ZNF148: variants seen among roughly 807,000 people sequenced by gnomAD.
The protein encoded by ZNF148 is zinc finger protein 148.
ZNF148 carries 7 observed loss-of-function variants against 67.7 expected under a neutral mutation model. The ratio of observed to expected loss-of-function variants is 0.10; its 90% CI spans 0.06 to 0.19. The LOEUF is 0.19. ZNF148 is among the 10% of genes least tolerant of loss of function. The pLI is 1.00. For missense variants in ZNF148, 583 were observed against 947.1 expected, an observed-to-expected ratio of 0.62 and a Z score of 5.05; for synonymous variants, 333 against 330.7, an observed-to-expected ratio of 1.01 and a Z score of -0.08.
intron 5 of ZNF148, among the ~76,000 whole-genome samples, chr3:125,282,023 G>A (rs1938417339): frequency 6.6e-6 from 1 of 152,144 alleles, no homozygotes; most frequent in Non-Finnish European, 1.5e-5. Context: ...GGACCTGGCT[G>A]CCTGCTGTCC....
chr3:125,304,308 A>G (rs1318171904), intron 4 of ZNF148, among the ~76,000 whole-genome samples: 1 of 152,156 alleles, frequency 6.6e-6, no homozygotes, highest in African/African-American at 2.4e-5. Context: ...GATTGTGGGA[A>G]AAGGGCAGCC....
At chr3:125,353,914 GAAACTAAAA>G (rs1459060944) in intron 1 of ZNF148, among the ~76,000 whole-genome samples, 2 of 151,958 alleles carry the variant, frequency 1.3e-5, no homozygotes, top group Admixed American at 6.6e-5. Context: ...TCTCTATATA[GAAACTAAAA>G]AAAGAGAGAG....
In ZNF148 at chr3:125,260,099, G is replaced by T. The variant is rs553457567; in HGVS notation, c.667+17627C>A. 2.0e-5 allele frequency among the ~76,000 whole-genome samples: 3 copies of T among 152,162 alleles called. No homozygotes were observed. The East Asian group carries it at 5.8e-4, about 29-fold the overall frequency. ...TCGATTAAGTTCACTCTCTTATGTG[G>T]GTGCAGTTTGTGGTGCCCCAAAACA... On this transcript the variant is annotated intron_variant, in intron 7 of 8. Transcript: ENST00000360647.
intron 1 of ZNF148, among the ~76,000 whole-genome samples, chr3:125,343,375 T>C (rs1311925191): frequency 6.6e-6 from 1 of 152,150 alleles, no homozygotes; most frequent in Non-Finnish European, 1.5e-5. Flanking sequence ...GACTAGGGAC[T>C]TGGAGAACTT....
intron 4 of ZNF148, among the ~76,000 whole-genome samples, chr3:125,302,101 T>C (rs1939621636): frequency 6.7e-6 from 1 of 148,398 alleles, no homozygotes; most frequent in South Asian, 2.2e-4. Flanking sequence ...TCATGGCCAG[T>C]TGTGGTGGCT....
intron 7 of ZNF148, among the ~76,000 whole-genome samples, chr3:125,241,247 C>T (rs76285225): frequency 0.017 from 2,587 of 151,452 alleles, 68 homozygotes; most frequent in African/African-American, 0.06. Context: ...TCTTTGGCCC[C>T]GACAAAGGTA....
At chr3:125,236,932 G>A (rs184354352) in intron 7 of ZNF148, among the ~76,000 whole-genome samples, 3 of 152,286 alleles carry the variant, frequency 2.0e-5, no homozygotes, top group East Asian at 3.9e-4. Flanking sequence ...ATTGAAGGCC[G>A]AAAAGTTAAG....
At chr3:125,354,686 T>C (rs1407730420) in intron 1 of ZNF148, among the ~76,000 whole-genome samples, 2 of 152,234 alleles carry the variant, frequency 1.3e-5, no homozygotes, top group African/African-American at 4.8e-5. Flanking sequence ...GTAATTCTGG[T>C]TGAGTTTGCA....
At chr3:125,278,329 G>A (rs556853871) in intron 6 of ZNF148, among the ~76,000 whole-genome samples, 5 of 152,000 alleles carry the variant, frequency 3.3e-5, no homozygotes, top group Admixed American at 2.0e-4. Flanking sequence ...AGTATTCTCT[G>A]GCCTGCTCTA....
chr3:125,253,185 T>G (rs1936919916), intron 7 of ZNF148, among the ~76,000 whole-genome samples: 1 of 152,230 alleles, frequency 6.6e-6, no homozygotes. Flanking sequence ...CTCTTTATAA[T>G]GTTAATTTAG....
intron 7 of ZNF148, among the ~76,000 whole-genome samples, chr3:125,244,734 G>A: frequency 6.6e-6 from 1 of 152,110 alleles, no homozygotes. Context: ...CTGACCTCAA[G>A]TGATCTACCC....
intron 7 of ZNF148, among the ~76,000 whole-genome samples, chr3:125,256,051 C>T (rs1342663006): frequency 6.6e-6 from 1 of 151,918 alleles, no homozygotes; most frequent in Non-Finnish European, 1.5e-5. Context: ...TATAAATATG[C>T]CCAGCTTTCC....
chr3:125,284,723 T>C (rs1938567070), intron 5 of ZNF148, among the ~76,000 whole-genome samples: 1 of 152,160 alleles, frequency 6.6e-6, no homozygotes, highest in African/African-American at 2.4e-5. Context: ...GGTGTAAGCT[T>C]CTATTATGTA....
rs1245665096 is a variant in ZNF148 at position 125,323,308 on chromosome 3, C to A, written c.-17+1G>T. 3.2e-6 allele frequency: 2 copies of A among 618,002 alleles called. No homozygotes were observed. Among genetic ancestry groups the A allele is most frequent in the Non-Finnish European group, 5.7e-6 (2 of 349,826 alleles). 38.3% of individuals were successfully genotyped at this position (618,002 alleles called of 1,614,324 possible). ...TTATGAAAAATAAGTATTAAAATTA[C>A]CCGAGACTAAGGTAAAAACGAAGAC... On this transcript the variant is annotated splice_donor_variant, in intron 3 of 8. Coordinates refer to ENST00000360647, the MANE Select transcript of ZNF148 (RefSeq NM_021964.3). LOFTEE classifies it low-confidence loss of function (5UTR_SPLICE).
At chr3:125,302,785 T>C (rs1374959227) in intron 4 of ZNF148, among the ~76,000 whole-genome samples, 2 of 152,250 alleles carry the variant, frequency 1.3e-5, no homozygotes, top group Non-Finnish European at 2.9e-5. Context: ...ATGTATGGCA[T>C]GCTTATCAAA....
At chr3:125,348,610 A>G (rs1235621948) in intron 1 of ZNF148, among the ~76,000 whole-genome samples, 1 of 152,186 alleles carries the variant, frequency 6.6e-6, no homozygotes, top group Non-Finnish European at 1.5e-5. Flanking sequence ...TTGAAGACAC[A>G]AATAAATGGA....
intron 1 of ZNF148, among the ~76,000 whole-genome samples, chr3:125,362,249 A>T (rs1002128965): frequency 6.6e-6 from 1 of 152,130 alleles, no homozygotes; most frequent in Non-Finnish European, 1.5e-5. Flanking sequence ...AATTCCCTCA[A>T]ATCACACCTT....
chr3:125,309,476 T>A (rs1415708321), intron 4 of ZNF148, among the ~76,000 whole-genome samples: 2 of 152,020 alleles, frequency 1.3e-5, no homozygotes, highest in African/African-American at 4.8e-5. Context: ...ATAAATAATA[T>A]TATAGGCATA....
chr3:125,278,138 C>A (rs756813936), intron 6 of ZNF148, among the ~76,000 whole-genome samples: 3 of 152,138 alleles, frequency 2.0e-5, no homozygotes, highest in African/African-American at 4.8e-5. Context: ...TCCTAAACAT[C>A]TTTTCTTCCT....
Sources: allele counts gnomAD v4.1 joint callset (sites outside exome capture counted in the v4.1 genomes callset), GRCh38; gene constraint gnomAD v4.1.1; transcripts MANE v1.5; gene names NCBI Gene and HGNC (gene_info 2026-07-23, HGNC 2026-07-21).